The following ATP10B variants were observed in gnomAD, a reference collection of about 807,000 sequenced individuals.
ATP10B encodes phospholipid-transporting ATPase VB.
ATP10B carries 122 observed loss-of-function variants against 141.2 expected under a neutral mutation model. The observed-to-expected ratio is 0.86, with a 90% CI of 0.75 to 1.00. The LOEUF is 1.00. ATP10B is among the 50% of genes least tolerant of loss of function. ATP10B has a pLI of 0.00. For synonymous variants in ATP10B, 685 were observed against 692.0 expected (o/e 0.99, Z 0.16); for missense variants, 1,876 against 1,825.3 (o/e 1.03, Z -0.51).
the ATP10B span, among the ~76,000 whole-genome samples, chr5:160,881,390 T>C: frequency 6.6e-6 from 1 of 152,330 alleles, no homozygotes; most frequent in East Asian, 1.9e-4. Context: ...GGTGATATCT[T>C]ACAAAACTAA....
intron 2 of ATP10B, among the ~76,000 whole-genome samples, chr5:160,722,881 A>C (rs1766082518): frequency 6.6e-6 from 1 of 152,222 alleles, no homozygotes; most frequent in Non-Finnish European, 1.5e-5. Flanking sequence ...GAGGCAGGGC[A>C]GCAGCTCTGC....
intron 1 of ATP10B, among the ~76,000 whole-genome samples, chr5:160,830,481 A>C (rs1774985947): frequency 6.6e-6 from 1 of 152,120 alleles, no homozygotes; most frequent in African/African-American, 2.4e-5. Flanking sequence ...AAATAGGTTT[A>C]AGATTTTTTT....
At chr5:160,770,721 A>C (rs1769835911) in intron 2 of ATP10B, among the ~76,000 whole-genome samples, 1 of 152,232 alleles carries the variant, frequency 6.6e-6, no homozygotes, top group Non-Finnish European at 1.5e-5. Flanking sequence ...TGAAATAAGC[A>C]CATCAAAACC....
At chr5:160,657,609 A>G (rs1761596369) in intron 7 of ATP10B, among the ~76,000 whole-genome samples, 1 of 152,212 alleles carries the variant, frequency 6.6e-6, no homozygotes, top group African/African-American at 2.4e-5. Flanking sequence ...GCTGACTAAA[A>G]GTAATCTTGA....
intron 3 of ATP10B, among the ~76,000 whole-genome samples, chr5:160,706,046 G>C (rs1264812996): frequency 6.6e-6 from 1 of 152,234 alleles, no homozygotes; most frequent in African/African-American, 2.4e-5. Flanking sequence ...CAGCTGGATG[G>C]TAGAGTAGTC....
chr5:160,759,921 G>T (rs888732337), intron 2 of ATP10B, among the ~76,000 whole-genome samples: 2 of 152,154 alleles, frequency 1.3e-5, no homozygotes, highest in South Asian at 4.1e-4. Flanking sequence ...TTGTCAATAG[G>T]AATAGTGGAG....
the ATP10B span, among the ~76,000 whole-genome samples, chr5:160,870,200 T>C: frequency 6.6e-6 from 1 of 152,184 alleles, no homozygotes; most frequent in African/African-American, 2.4e-5. Flanking sequence ...GAAGCACTTG[T>C]GAAGTTCACA....
the ATP10B span, among the ~76,000 whole-genome samples, chr5:160,921,203 T>C: frequency 1.3e-5 from 2 of 152,056 alleles, no homozygotes; most frequent in African/African-American, 2.4e-5. Context: ...TCCTTGCATA[T>C]ACAACCATAA....
At chr5:160,658,036 G>A (rs1761629347) in intron 7 of ATP10B, among the ~76,000 whole-genome samples, 2 of 152,180 alleles carry the variant, frequency 1.3e-5, no homozygotes, top group African/African-American at 2.4e-5. Flanking sequence ...TGTACCTCAT[G>A]TTTTGGCAAA....
intron 6 of ATP10B, among the ~76,000 whole-genome samples, chr5:160,673,426 T>C (rs1403087487): frequency 3.3e-5 from 5 of 152,222 alleles, no homozygotes; most frequent in Non-Finnish European, 5.9e-5. Context: ...TTACAAACAA[T>C]CCAATTGTAC....
intron 25 of ATP10B, among the ~76,000 whole-genome samples, chr5:160,568,920 G>A (rs943817274): frequency 6.6e-6 from 1 of 152,176 alleles, no homozygotes; most frequent in East Asian, 1.9e-4. Flanking sequence ...GTCTAATGCA[G>A]GTCTTGTATG....
At chr5:160,802,876 C>G (rs1561870029) in intron 1 of ATP10B, among the ~76,000 whole-genome samples, 1 of 152,150 alleles carries the variant, frequency 6.6e-6, no homozygotes, top group Non-Finnish European at 1.5e-5. Context: ...TGGGAGGTTT[C>G]TCTTCAGTTT....
At chr5:160,817,159 C>T (rs1239881526) in intron 1 of ATP10B, among the ~76,000 whole-genome samples, 2 of 152,110 alleles carry the variant, frequency 1.3e-5, no homozygotes, top group African/African-American at 2.4e-5. Context: ...CCAGGGCAAT[C>T]AGGCAGGAGA....
At chr5:160,793,792 C>T (rs113842991) in intron 1 of ATP10B, among the ~76,000 whole-genome samples, 3 of 152,324 alleles carry the variant, frequency 2.0e-5, no homozygotes, top group African/African-American at 7.2e-5. Flanking sequence ...CACCCTAATG[C>T]AAGTGTACCA....
intron 2 of ATP10B, among the ~76,000 whole-genome samples, chr5:160,782,910 T>C (rs1381674480): frequency 6.6e-6 from 1 of 152,190 alleles, no homozygotes. Context: ...ATATGTGTTA[T>C]GTGTTTATAC....
rs371222888 is a variant in ATP10B at position 160,638,596 on chromosome 5, C to T, written c.1000+1865G>A. Reference sequence around the variant, plus strand: ...ATTAGACATACCTGGGAACTCCAGGCCACCCACAAGACTCAATCCCATCTT... The same window carrying T: ...ATTAGACATACCTGGGAACTCCAGGTCACCCACAAGACTCAATCCCATCTT... On this transcript the variant is annotated intron_variant, in intron 10 of 25. Transcript: ENST00000327245. Among the ~76,000 whole-genome samples, 27 of 152,234 alleles carry T rather than the reference C, an allele frequency of 1.8e-4. No homozygotes were observed. The East Asian group carries it at 3.3e-3, about 19-fold the overall frequency.
Position 160,622,382 on chromosome 5 carries a change from G to T in ATP10B, c.1812+12C>A, listed in dbSNP as rs375394322. 1.6e-5 allele frequency: 26 copies of T among 1,604,860 alleles called. No homozygotes were observed. In the East Asian group the frequency reaches 4.9e-4, roughly 30 times the overall value. ...CCTTTACCCTCCTCCCCCAGCCATC[G>T]CTGGTCCTTACCCTCTGCCTGGGCT... On this transcript the variant is annotated intron_variant, in intron 14 of 25. Transcript: ENST00000327245.
At chr5:160,586,720 G>T (rs933514440) in intron 24 of ATP10B, among the ~76,000 whole-genome samples, 3 of 152,180 alleles carry the variant, frequency 2.0e-5, no homozygotes, top group African/African-American at 7.2e-5. Flanking sequence ...TTTCTCTAAT[G>T]ATCAGTGATG....
chr5:160,755,771 C>T (rs995556529), intron 2 of ATP10B, among the ~76,000 whole-genome samples: 11 of 141,528 alleles, frequency 7.8e-5, no homozygotes, highest in Non-Finnish European at 1.2e-4. Flanking sequence ...GCCGACATCC[C>T]GCCACTGCAC....
Sources: allele counts gnomAD v4.1 joint callset (sites outside exome capture counted in the v4.1 genomes callset), GRCh38; gene constraint gnomAD v4.1.1; transcripts MANE v1.5; gene names NCBI Gene and HGNC (gene_info 2026-07-23, HGNC 2026-07-21).